The following VPS54 variants were observed in gnomAD, a reference collection of about 807,000 sequenced individuals.
VPS54 encodes vacuolar protein sorting-associated protein 54.
VPS54 carries 45 observed loss-of-function variants against 121.5 expected under a neutral mutation model. The ratio of observed to expected loss-of-function variants is 0.37; its 90% CI spans 0.29 to 0.47. VPS54 has a LOEUF of 0.47. Among genes scored for constraint, VPS54 ranks in the 20% least tolerant of loss-of-function variants. VPS54 has a pLI of 0.99. For missense variants in VPS54, 1,090 were observed against 1,131.4 expected, an observed-to-expected ratio of 0.96 and a Z score of 0.52; for synonymous variants, 371 against 385.8, an observed-to-expected ratio of 0.96 and a Z score of 0.45.
At chr2:63,999,091 C>T (rs1236902883) in intron 1 of VPS54, among the ~76,000 whole-genome samples, 1 of 152,068 alleles carries the variant, frequency 6.6e-6, no homozygotes. Context: ...GGATTACAGG[C>T]ATGGACTATC....
At chr2:63,966,231 T>A (rs1559026883) in intron 5 of VPS54, among the ~76,000 whole-genome samples, 1 of 152,196 alleles carries the variant, frequency 6.6e-6, no homozygotes, top group Non-Finnish European at 1.5e-5. Flanking sequence ...ATGATCATAC[T>A]CACTCATGCA....
At chr2:63,909,725 G>GTTTTTGTTTTTTTTTTTTTTTTTTTTT (rs747731456) in intron 20 of VPS54, among the ~76,000 whole-genome samples, 1 of 115,282 alleles carries the variant, frequency 8.7e-6, no homozygotes. Context: ...GCCGTTTTTG[G>GTTTTTGTTTTTTTTTTTTTTTTTTTTT]TTTTTTTTTT....
At chr2:63,939,782 G>C (rs1553475465) in intron 11 of VPS54, among the ~76,000 whole-genome samples, 1 of 141,348 alleles carries the variant, frequency 7.1e-6, no homozygotes, top group East Asian at 2.0e-4. Context: ...TTTTTTTTAA[G>C]ACGGAGTCTT....
chr2:63,992,281 T>C (rs770361499), intron 1 of VPS54, among the ~76,000 whole-genome samples: 8 of 152,336 alleles, frequency 5.3e-5, no homozygotes, highest in South Asian at 2.1e-4. Flanking sequence ...CCTACCTCCA[T>C]ACACATTCAA....
chr2:64,010,819 T>C (rs1678393304), intron 1 of VPS54, among the ~76,000 whole-genome samples: 1 of 152,216 alleles, frequency 6.6e-6, no homozygotes, highest in African/African-American at 2.4e-5. Flanking sequence ...ACATTGGGGC[T>C]GTCATATAAA....
intron 1 of VPS54, among the ~76,000 whole-genome samples, chr2:64,012,266 A>G (rs2104706320): frequency 6.6e-6 from 1 of 152,074 alleles, no homozygotes; most frequent in African/African-American, 2.4e-5. Context: ...AAAAACAGTA[A>G]AATATGCTGA....
intron 3 of VPS54, among the ~76,000 whole-genome samples, chr2:63,973,716 A>G (rs890512025): frequency 2.0e-5 from 3 of 151,386 alleles, no homozygotes; most frequent in Non-Finnish European, 4.4e-5. Context: ...AATTTTTCTA[A>G]TTTTTTCTTG....
At chr2:63,975,074 C>G in intron 3 of VPS54, 10 of 1,528,924 alleles carry the variant, frequency 6.5e-6, no homozygotes, top group Middle Eastern at 4.1e-4. Flanking sequence ...GAGACAGAGT[C>G]TCACTCTGTC....
At chr2:63,923,371 G>A (rs1673739657) in intron 12 of VPS54, among the ~76,000 whole-genome samples, 2 of 151,988 alleles carry the variant, frequency 1.3e-5, no homozygotes, top group South Asian at 4.2e-4. Flanking sequence ...CACGTCAATA[G>A]GGAAAAAACA....
chr2:63,914,078 T>TA (rs1306089703), intron 17 of VPS54, 104 bp downstream of exon 17: 13 of 1,108,648 alleles, frequency 1.2e-5, no homozygotes, highest in South Asian at 2.8e-5. Context: ...ACTAATGTCT[T>TA]AAAGTTAATT....
chr2:63,919,837 T>C (rs768824532), intron 15 of VPS54, 46 bp downstream of exon 15: 5 of 1,386,198 alleles, frequency 3.6e-6, no homozygotes, highest in Non-Finnish European at 4.9e-6. Flanking sequence ...ACAAAATAAA[T>C]AAACAATATA....
At chr2:63,997,208 C>T (rs71422400) in intron 1 of VPS54, among the ~76,000 whole-genome samples, 8 of 152,240 alleles carry the variant, frequency 5.3e-5, no homozygotes, top group African/African-American at 1.9e-4. Flanking sequence ...CAGGGTAATA[C>T]TGCCCTCGTA....
intron 22 of VPS54, among the ~76,000 whole-genome samples, chr2:63,894,689 A>C (rs1474311978): frequency 6.7e-6 from 1 of 149,494 alleles, no homozygotes; most frequent in Non-Finnish European, 1.5e-5. Flanking sequence ...TGTGACCATG[A>C]GACCCTGTCT....
intron 11 of VPS54, among the ~76,000 whole-genome samples, chr2:63,939,631 A>T (rs565936985): frequency 2.4e-4 from 36 of 152,224 alleles, no homozygotes; most frequent in Non-Finnish European, 4.3e-4. Flanking sequence ...AATCTAAATG[A>T]CATCTAATCT....
chr2:63,959,945 G>A lies in VPS54; in HGVS notation c.1010+2113C>T, dbSNP rs529203994. Reference sequence around the variant, plus strand: ...TGAGGCAGGAGAATCGCTTGAACCCGGGAGGAGGAGGTTGCAGTGAACCGA... The same window carrying A: ...TGAGGCAGGAGAATCGCTTGAACCCAGGAGGAGGAGGTTGCAGTGAACCGA... On this transcript the variant is annotated intron_variant, in intron 7 of 22. Coordinates refer to ENST00000272322, the MANE Select transcript of VPS54 (RefSeq NM_016516.3). Among the ~76,000 whole-genome samples the A allele has an allele frequency of 1.6e-3, 244 of 152,164 alleles. 2 individuals are homozygous for A. The highest frequency in any genetic ancestry group is 3.0e-3 in the Non-Finnish European group (205 of 67,962).
chr2:63,908,274 T>C (rs1414196162), intron 20 of VPS54, among the ~76,000 whole-genome samples: 4 of 152,206 alleles, frequency 2.6e-5, no homozygotes, highest in Admixed American at 6.5e-5. Flanking sequence ...GTAACATCCA[T>C]GAACTCCAAA....
intron 3 of VPS54, among the ~76,000 whole-genome samples, chr2:63,974,782 G>T (rs980482749): frequency 1.3e-5 from 2 of 151,962 alleles, no homozygotes; most frequent in African/African-American, 2.4e-5. Flanking sequence ...TATTAACCTT[G>T]TATCTTGCAA....
chr2:63,910,506 G>A (rs1392313875), intron 20 of VPS54, among the ~76,000 whole-genome samples: 1 of 152,134 alleles, frequency 6.6e-6, no homozygotes, highest in Non-Finnish European at 1.5e-5. Flanking sequence ...TCAAATAGGA[G>A]AATAAATATT....
chr2:64,012,893 C>A (rs7589241), intron 1 of VPS54, among the ~76,000 whole-genome samples: 118,290 of 152,042 alleles, frequency 0.78, 47,443 homozygotes, highest in African/African-American at 0.91. Context: ...TTCTACATTC[C>A]GTGGCCTATA....
Sources: allele counts gnomAD v4.1 joint callset (sites outside exome capture counted in the v4.1 genomes callset), GRCh38; gene constraint gnomAD v4.1.1; transcripts MANE v1.5; gene names NCBI Gene and HGNC (gene_info 2026-07-23, HGNC 2026-07-21).